PCDH15: variants seen among roughly 807,000 people sequenced by gnomAD.
PCDH15 encodes the protein protocadherin related 15.
In PCDH15, 129 loss-of-function variants were observed where a neutral mutation model predicts 178.5. That is an observed-to-expected ratio of 0.72 (90% confidence interval 0.63 to 0.84). The LOEUF (loss-of-function observed/expected upper bound fraction) is 0.84, where lower values mean the gene tolerates loss of function less well. PCDH15 is among the 40% of genes least tolerant of loss of function. The pLI is 0.00. For synonymous variants in PCDH15, 800 were observed against 732.0 expected (o/e 1.09, Z -1.50); for missense variants, 2,230 against 2,099.9 (o/e 1.06, Z -1.21).
At chr10:54,554,670 C>G (rs1421600819) in intron 2 of PCDH15, among the ~76,000 whole-genome samples, 1 of 152,144 alleles carries the variant, frequency 6.6e-6, no homozygotes, top group Non-Finnish European at 1.5e-5. Context: ...ACCTCCAACA[C>G]CTTTAGAAAA....
chr10:55,306,288 T>A (rs1843423172), intron 1 of PCDH15, among the ~76,000 whole-genome samples: 1 of 152,236 alleles, frequency 6.6e-6, no homozygotes. Flanking sequence ...TAATTCTAAT[T>A]TCCTAGAATG....
Position 54,466,654 on chromosome 10 carries a change from A to G in PCDH15, c.157+61158T>C, listed in dbSNP as rs550877210. Among the ~76,000 whole-genome samples, 6 of 151,912 alleles carry G rather than the reference A, an allele frequency of 3.9e-5. No individual in the cohort carries two copies. The South Asian group carries it at 1.0e-3, about 26-fold the overall frequency. ...CTTTTCACTCAGGATTGTTTTGAATATTTGGCCTCTTTATGGGTTCTACAT... is the reference window on the plus strand; with the variant it reads ...CTTTTCACTCAGGATTGTTTTGAATGTTTGGCCTCTTTATGGGTTCTACAT... On this transcript the variant is annotated intron_variant, in intron 3 of 37. Transcript: ENST00000644397.
At chr10:55,200,242 C>T (rs1315215638) in intron 1 of PCDH15, among the ~76,000 whole-genome samples, 6 of 152,100 alleles carry the variant, frequency 3.9e-5, no homozygotes, top group African/African-American at 1.2e-4. Flanking sequence ...CTTGGGGGCC[C>T]GTCCTTTGCA....
intron 1 of PCDH15, among the ~76,000 whole-genome samples, chr10:55,182,283 TG>T (rs1194482055): frequency 6.6e-6 from 1 of 151,936 alleles, no homozygotes; most frequent in Non-Finnish European, 1.5e-5. Flanking sequence ...AAATTACACC[TG>T]ACTTCAAAGT....
At chr10:53,982,420 C>G (rs1038076604) in intron 21 of PCDH15, among the ~76,000 whole-genome samples, 1 of 151,998 alleles carries the variant, frequency 6.6e-6, no homozygotes, top group African/African-American at 2.4e-5. Flanking sequence ...GGAACCAACC[C>G]AAATGTCCAA....
At chr10:55,054,740 T>G (rs927848688) in intron 2 of PCDH15, among the ~76,000 whole-genome samples, 2 of 152,214 alleles carry the variant, frequency 1.3e-5, no homozygotes, top group Non-Finnish European at 2.9e-5. Context: ...TCATTGTGGT[T>G]TGATTTGCAT....
chr10:55,093,042 C>A (rs905200230), intron 2 of PCDH15, among the ~76,000 whole-genome samples: 1 of 152,058 alleles, frequency 6.6e-6, no homozygotes, highest in Non-Finnish European at 1.5e-5. Context: ...TGAAGATGAA[C>A]TGTGGTACCA....
intron 21 of PCDH15, among the ~76,000 whole-genome samples, chr10:53,992,040 C>T (rs181398143): frequency 6.6e-6 from 1 of 152,156 alleles, no homozygotes; most frequent in Admixed American, 6.5e-5. Flanking sequence ...TGGGTCCATA[C>T]TGCCTTTATG....
chr10:54,479,849 C>G (rs546603724), intron 3 of PCDH15, among the ~76,000 whole-genome samples: 2 of 152,106 alleles, frequency 1.3e-5, no homozygotes, highest in Admixed American at 6.6e-5. Flanking sequence ...AATGATGTCA[C>G]ATTGCATTTA....
At chr10:54,070,730 C>T (rs1175914772) in intron 17 of PCDH15, among the ~76,000 whole-genome samples, 2 of 152,068 alleles carry the variant, frequency 1.3e-5, no homozygotes, top group African/African-American at 4.8e-5. Flanking sequence ...GGTGGGACTA[C>T]AGGTGCACGC....
At chr10:55,437,127 C>T (rs1392487569) in intron 2 of PCDH15, among the ~76,000 whole-genome samples, 1 of 152,130 alleles carries the variant, frequency 6.6e-6, no homozygotes, top group African/African-American at 2.4e-5. Context: ...CTCCATCTTC[C>T]TTTTAGAAGC....
chr10:55,058,410 G>T (rs188931708), intron 2 of PCDH15, among the ~76,000 whole-genome samples: 8 of 151,866 alleles, frequency 5.3e-5, no homozygotes, highest in Non-Finnish European at 1.2e-4. Context: ...GGATTTTGCC[G>T]TCTTGCTCAG....
At chr10:54,442,444 ATATATATATATATATAC>A (rs2075875554) in intron 3 of PCDH15, among the ~76,000 whole-genome samples, 3 of 122,262 alleles carry the variant, frequency 2.5e-5, no homozygotes, top group African/African-American at 1.0e-4. Context: ...ATATATATAT[ATATATATATATATATAC>A]AGTCTTTTTT....
chr10:55,622,115 CT>C (rs1837411826), intron 2 of PCDH15, among the ~76,000 whole-genome samples: 1 of 59,282 alleles, frequency 1.7e-5, no homozygotes, highest in African/African-American at 6.5e-5. Flanking sequence ...TTATATATAT[CT>C]ATAAATATAT....
At chr10:55,154,065 T>C (rs982821974) in intron 2 of PCDH15, among the ~76,000 whole-genome samples, 2 of 152,178 alleles carry the variant, frequency 1.3e-5, no homozygotes, top group African/African-American at 2.4e-5. Context: ...GTCGCTCCTA[T>C]ACAATTTTCC....
chr10:54,173,145 A>C (rs1285013779), intron 13 of PCDH15, among the ~76,000 whole-genome samples: 1 of 152,174 alleles, frequency 6.6e-6, no homozygotes, highest in Non-Finnish European at 1.5e-5. Flanking sequence ...GAGATACTGA[A>C]ATATGTGCTA....
intron 8 of PCDH15, among the ~76,000 whole-genome samples, chr10:54,256,056 G>A (rs893944278): frequency 2.6e-5 from 4 of 152,154 alleles, no homozygotes; most frequent in Non-Finnish European, 5.9e-5. Context: ...ATAGTCTCCG[G>A]AAGGATACCC....
At chr10:54,911,666 C>T (rs1721455717) in intron 2 of PCDH15, among the ~76,000 whole-genome samples, 1 of 152,112 alleles carries the variant, frequency 6.6e-6, no homozygotes, top group Non-Finnish European at 1.5e-5. Flanking sequence ...AAGGGAGGGA[C>T]CAGGTGGAAA....
chr10:55,022,557 AAT>A (rs1368433344), intron 2 of PCDH15, among the ~76,000 whole-genome samples: 1 of 152,102 alleles, frequency 6.6e-6, no homozygotes, highest in Non-Finnish European at 1.5e-5. Flanking sequence ...ACCAGTCCAA[AAT>A]ATATGTTTAC....
Sources: allele counts gnomAD v4.1 joint callset (sites outside exome capture counted in the v4.1 genomes callset), GRCh38; gene constraint gnomAD v4.1.1; transcripts MANE v1.5; gene names NCBI Gene and HGNC (gene_info 2026-07-23, HGNC 2026-07-21).